Variants in TRAPPC6B observed in about 807,000 individuals in gnomAD.
TRAPPC6B encodes the protein trafficking protein particle complex subunit 6B, also known as TRAPP complex subunit 6B.
A neutral mutation model predicts 24.7 loss-of-function variants in TRAPPC6B; 27 were observed. The observed-to-expected ratio is 1.09, with a 90% CI of 0.81 to 1.51. The LOEUF is 1.51. TRAPPC6B is among the 40% of genes most tolerant of loss of function. The pLI is 0.00. For missense variants in TRAPPC6B, 212 were observed against 190.8 expected, an observed-to-expected ratio of 1.11 and a Z score of -0.66; for synonymous variants, 80 against 66.6, an observed-to-expected ratio of 1.20 and a Z score of -0.98.
intron 3 of TRAPPC6B, chr14:39,157,269 C>A: frequency 2.6e-6 from 1 of 379,528 alleles, no homozygotes; most frequent in Non-Finnish European, 5.0e-6. Flanking sequence ...AAGCCATCCT[C>A]TGTAAGCAGC....
In TRAPPC6B at chr14:39,154,309, G is replaced by GA. The variant is rs142476037; in HGVS notation, c.268-16dup. 5.7e-3 allele frequency: 8,931 copies of GA among 1,569,546 alleles called. 381 individuals are homozygous for GA. The African/African-American group carries it at 0.1, about 18-fold the overall frequency. On this transcript the variant is annotated splice_polypyrimidine_tract_variant and intron_variant, in intron 3 of 5. Transcript: ENST00000330149. ...ACATAGATGCCCTGTTCCAAAAATA[G>GA]AAAAAAAATCCAAAGTCAATGTACC... is the stretch of plus-strand genomic sequence containing the variant.
intron 4 of TRAPPC6B, 44 bp from the exon 5 acceptor site, chr14:39,151,883 A>T: frequency 1.6e-6 from 2 of 1,283,724 alleles, no homozygotes; most frequent in South Asian, 1.3e-5. Context: ...GATTTACTAA[A>T]ATAGTAAAGC....
intron 3 of TRAPPC6B, among the ~76,000 whole-genome samples, chr14:39,156,255 C>T (rs893844362): frequency 2.0e-5 from 3 of 152,066 alleles, no homozygotes; most frequent in Non-Finnish European, 4.4e-5. Flanking sequence ...GAGGCCAAGG[C>T]GGGAGGATCC....
chr14:39,154,970 T>C lies in TRAPPC6B; in HGVS notation c.268-676A>G, dbSNP rs534070420. On this transcript the variant is annotated intron_variant, in intron 3 of 5. Coordinates refer to ENST00000330149, the MANE Select transcript of TRAPPC6B (RefSeq NM_001079537.2). ...AGACATGAGCTCTCACTCTGTTGTC[T>C]AGGCTGGAGTGTGGTGGTGCAATCA... Among the ~76,000 whole-genome samples the C allele has an allele frequency of 2.0e-5, 3 of 152,282 alleles. No homozygotes were observed. In the East Asian group the frequency reaches 5.8e-4, roughly 29 times the overall value.
chr14:39,151,888 T>A, intron 4 of TRAPPC6B, 49 bp from the exon 5 acceptor site: 1 of 1,266,960 alleles, frequency 7.9e-7, no homozygotes, highest in Non-Finnish European at 1.1e-6. Flanking sequence ...ACTAAAATAG[T>A]AAAGCTATTG....
intron 1 of TRAPPC6B, among the ~76,000 whole-genome samples, chr14:39,168,108 C>CA (rs2053126012): frequency 6.6e-6 from 1 of 151,508 alleles, no homozygotes; most frequent in Admixed American, 6.6e-5. Context: ...TCCAGATACT[C>CA]AGGAGGCTGA....
intron 1 of TRAPPC6B, among the ~76,000 whole-genome samples, chr14:39,165,732 G>C (rs540676859): frequency 7.9e-5 from 12 of 152,276 alleles, no homozygotes; most frequent in African/African-American, 2.9e-4. Flanking sequence ...AGGAGGTCAA[G>C]GCTGCAGTGA....
intron 1 of TRAPPC6B, among the ~76,000 whole-genome samples, chr14:39,159,977 C>T (rs1274670759): frequency 2.0e-5 from 3 of 152,084 alleles, no homozygotes; most frequent in Admixed American, 2.0e-4. Context: ...CACCCACCAC[C>T]ATGCCTGGTT....
rs188087281 is a variant in TRAPPC6B, at chr14:39,157,061, C to T, written c.267+1224G>A. 4.1e-3 allele frequency: 672 copies of T among 164,198 alleles called. 7 individuals carry two copies. The highest frequency in any genetic ancestry group is 0.017 in the African/African-American group (645 of 38,480). 10.2% of individuals were successfully genotyped at this position (164,198 alleles called of 1,614,324 possible). ...GGCGGAGGTTGTGGTGAGCCGAGAT[C>T]GCACCATTGCACTCTAGCCTGGGCA... is the stretch of plus-strand genomic sequence containing the variant. On this transcript the variant is annotated intron_variant, in intron 3 of 5. Coordinates refer to ENST00000330149, the MANE Select transcript of TRAPPC6B (RefSeq NM_001079537.2).
At chr14:39,163,362 C>A (rs2053078235) in intron 1 of TRAPPC6B, among the ~76,000 whole-genome samples, 3 of 139,038 alleles carry the variant, frequency 2.2e-5, no homozygotes, top group East Asian at 4.2e-4. Flanking sequence ...CAGGGCGAGA[C>A]TTCATCACCA....
intron 1 of TRAPPC6B, among the ~76,000 whole-genome samples, chr14:39,166,269 A>G (rs1044707687): frequency 4.4e-5 from 5 of 114,190 alleles, no homozygotes; most frequent in African/African-American, 1.7e-4. Context: ...AAAAAAAAAA[A>G]CAAAAAAACA....
rs201153110 is a variant in TRAPPC6B, at chr14:39,151,879, C to T, written c.352-40G>A. 2.0e-4 allele frequency: 267 copies of T among 1,350,502 alleles called. 2 individuals are homozygous for T. In the East Asian group the frequency reaches 6.2e-3, roughly 31 times the overall value. 83.7% of individuals were successfully genotyped at this position (1,350,502 alleles called of 1,614,324 possible). On this transcript the variant is annotated intron_variant, in intron 4 of 5. Transcript: ENST00000330149. ...AATCATTAAAAATAGTAAGGATTTA[C>T]TAAAATAGTAAAGCTATTGATAAAT...
rs2052874469 is a variant in TRAPPC6B at position 39,148,084 on chromosome 14, C to G, written c.*2266G>C. ...GATTGGTTAATTCAGAAGCACAATTCAGGTGCTTTCTATCTACATCCCACT... is the reference window on the plus strand; with the variant it reads ...GATTGGTTAATTCAGAAGCACAATTGAGGTGCTTTCTATCTACATCCCACT... On this transcript the variant is annotated 3_prime_UTR_variant, in exon 6 of 6. Coordinates refer to ENST00000330149, the MANE Select transcript of TRAPPC6B (RefSeq NM_001079537.2). 1 of 152,234 alleles carries G rather than the reference C, an allele frequency of 6.6e-6. No homozygotes were observed. Among genetic ancestry groups the G allele is most frequent in the Admixed American group, 6.5e-5 (1 of 15,278 alleles). 9.4% of individuals were successfully genotyped at this position (152,234 alleles called of 1,614,324 possible).
At chr14:39,167,709 TCCC>T (rs55673596) in intron 1 of TRAPPC6B, among the ~76,000 whole-genome samples, 3 of 151,762 alleles carry the variant, frequency 2.0e-5, no homozygotes, top group African/African-American at 4.8e-5. Flanking sequence ...CTTTCAATTT[TCCC>T]CCCCATCATA....
chr14:39,168,032 G>A (rs1217535699), intron 1 of TRAPPC6B, among the ~76,000 whole-genome samples: 1 of 152,032 alleles, frequency 6.6e-6, no homozygotes, highest in Non-Finnish European at 1.5e-5. Flanking sequence ...TGGTCAACAG[G>A]GTGAAACTCC....
chr14:39,167,664 T>A (rs2053121903), intron 1 of TRAPPC6B, among the ~76,000 whole-genome samples: 2 of 152,160 alleles, frequency 1.3e-5, no homozygotes, highest in Non-Finnish European at 2.9e-5. Context: ...GACTACCACA[T>A]AACTGTTATT....
chr14:39,150,920 C>T (rs2052903984), intron 5 of TRAPPC6B, among the ~76,000 whole-genome samples: 1 of 152,006 alleles, frequency 6.6e-6, no homozygotes, highest in Admixed American at 6.6e-5. Context: ...CATTTGGGTA[C>T]AGTATTTCAT....
At position 39,170,141 on chromosome 14, in the gene TRAPPC6B, C is replaced by G. The variant is rs1251674725; in HGVS notation, c.-46G>C. 1.2e-6 allele frequency: 2 copies of G among 1,602,862 alleles called. No homozygotes were observed. The highest frequency in any genetic ancestry group is 1.3e-5 in the African/African-American group (1 of 74,832). Reference sequence around the variant, plus strand: ...CTTCGAGTTTTGGCTCCCGTTTGAGCTGGTCTGGGGGTTCCAGCTCGCGCC... The same window carrying G: ...CTTCGAGTTTTGGCTCCCGTTTGAGGTGGTCTGGGGGTTCCAGCTCGCGCC... On this transcript the variant is annotated 5_prime_UTR_variant, in exon 1 of 6. Transcript: ENST00000330149.
chr14:39,168,117 G>T (rs1242547632), intron 1 of TRAPPC6B, among the ~76,000 whole-genome samples: 1 of 151,754 alleles, frequency 6.6e-6, no homozygotes, highest in African/African-American at 2.4e-5. Context: ...TCAGGAGGCT[G>T]AAGCAGGAGA....
Sources: gnomAD v4.1 joint callset for allele counts (sites outside exome capture counted in the v4.1 genomes callset) on GRCh38, gnomAD v4.1.1 for gene constraint, MANE v1.5 for transcripts, NCBI Gene and HGNC (gene_info 2026-07-23, HGNC 2026-07-21) for gene names.